NMNAT2: variants seen among roughly 807,000 people sequenced by gnomAD.
NMNAT2 encodes nicotinamide nucleotide adenylyltransferase 2.
A neutral mutation model predicts 41.6 loss-of-function variants in NMNAT2; 11 were observed. The ratio of observed to expected loss-of-function variants is 0.26; its 90% confidence interval spans 0.17 to 0.44. The LOEUF (loss-of-function observed/expected upper bound fraction) is 0.44. Among genes scored for constraint, NMNAT2 ranks in the 20% least tolerant of loss-of-function variants. The pLI is 1.00. For synonymous variants in NMNAT2, 148 were observed against 151.2 expected (o/e 0.98, Z 0.16); for missense variants, 288 against 407.7 (o/e 0.71, Z 2.53).
intron 1 of NMNAT2, among the ~76,000 whole-genome samples, chr1:183,315,778 T>TG (rs1553214097): frequency 4.8e-5 from 6 of 125,904 alleles, no homozygotes; most frequent in African/African-American, 1.8e-4. Context: ...AGACTCCGTG[T>TG]AAAAAAAAAA....
intron 1 of NMNAT2, among the ~76,000 whole-genome samples, chr1:183,300,732 T>C (rs1661828068): frequency 6.6e-6 from 1 of 152,220 alleles, no homozygotes; most frequent in Admixed American, 6.5e-5. Context: ...AACACTGCAA[T>C]TTTAAGGTGG....
At chr1:183,281,478 C>T (rs183317341) in intron 7 of NMNAT2, among the ~76,000 whole-genome samples, 234 of 152,338 alleles carry the variant, frequency 1.5e-3, no homozygotes, top group African/African-American at 4.9e-3. Flanking sequence ...CTTTCCTATT[C>T]CCAAGCCAGG....
chr1:183,379,654 A>T (rs1663760665), intron 1 of NMNAT2, among the ~76,000 whole-genome samples: 1 of 152,248 alleles, frequency 6.6e-6, no homozygotes, highest in Non-Finnish European at 1.5e-5. Context: ...ATAAAAACAA[A>T]GTATTCAAGT....
At chr1:183,373,929 A>G (rs1398670328) in intron 1 of NMNAT2, among the ~76,000 whole-genome samples, 1 of 152,182 alleles carries the variant, frequency 6.6e-6, no homozygotes, top group Non-Finnish European at 1.5e-5. Flanking sequence ...GTTGAACTTT[A>G]TTCTTTATTA....
intron 1 of NMNAT2, among the ~76,000 whole-genome samples, chr1:183,314,693 T>A (rs888802970): frequency 1.3e-5 from 2 of 152,240 alleles, no homozygotes; most frequent in African/African-American, 4.8e-5. Context: ...CTACAGTGTA[T>A]GCATATGTAA....
chr1:183,298,859 A>C (rs987183668), intron 1 of NMNAT2, among the ~76,000 whole-genome samples: 6 of 152,242 alleles, frequency 3.9e-5, no homozygotes. Context: ...ATGATATGAA[A>C]TTTAATGTAT....
intron 3 of NMNAT2, among the ~76,000 whole-genome samples, chr1:183,291,982 G>T (rs186616749): frequency 6.6e-6 from 1 of 152,050 alleles, no homozygotes; most frequent in South Asian, 2.1e-4. Flanking sequence ...CGCCCACCCC[G>T]CTCTTCCTGG....
intron 8 of NMNAT2, among the ~76,000 whole-genome samples, chr1:183,262,508 T>C (rs1168678770): frequency 6.6e-6 from 1 of 152,238 alleles, no homozygotes; most frequent in Non-Finnish European, 1.5e-5. Context: ...TAAAAATTAT[T>C]TGAAAACATA....
At chr1:183,294,004 A>T (rs1312906200) in intron 1 of NMNAT2, among the ~76,000 whole-genome samples, 3 of 152,144 alleles carry the variant, frequency 2.0e-5, no homozygotes, top group African/African-American at 7.2e-5. Flanking sequence ...AGGATTTAGA[A>T]CTCAAGGAGA....
chr1:183,300,525 G>A (rs61811580), intron 1 of NMNAT2, among the ~76,000 whole-genome samples: 14,497 of 151,926 alleles, frequency 0.095, 819 homozygotes, highest in Middle Eastern at 0.14. Flanking sequence ...AGAACTGTGA[G>A]CAATAAATTT....
intron 1 of NMNAT2, among the ~76,000 whole-genome samples, chr1:183,339,003 T>A (rs2102343670): frequency 6.6e-6 from 1 of 152,242 alleles, no homozygotes; most frequent in African/African-American, 2.4e-5. Context: ...TTTCACAGGG[T>A]CCTGCCAGGC....
At chr1:183,307,013 G>A (rs1013275647) in intron 1 of NMNAT2, among the ~76,000 whole-genome samples, 4 of 152,148 alleles carry the variant, frequency 2.6e-5, no homozygotes, top group South Asian at 2.1e-4. Flanking sequence ...CACTCCTTGG[G>A]GAGGAAAGTA....
At chr1:183,281,406 T>C (rs573085549) in intron 7 of NMNAT2, among the ~76,000 whole-genome samples, 2 of 152,322 alleles carry the variant, frequency 1.3e-5, no homozygotes, top group African/African-American at 4.8e-5. Context: ...AACACATCTG[T>C]TCCCAAATGT....
chr1:183,312,498 A>C (rs915907143), intron 1 of NMNAT2, among the ~76,000 whole-genome samples: 1 of 151,326 alleles, frequency 6.6e-6, no homozygotes, highest in East Asian at 1.9e-4. Flanking sequence ...CATTTGCTTT[A>C]TTTGTTTTGC....
chr1:183,249,477 A>G lies in NMNAT2; in HGVS notation c.*3164T>C, dbSNP rs1660315472. ...ATGCCTTTCTCACAACCTCTGAGCC[A>G]TGCCAGTCTTGGATTGGGCTTTGCA... On this transcript the variant is annotated 3_prime_UTR_variant, in exon 11 of 11. Transcript: ENST00000287713. 1 of 152,200 alleles carries G rather than the reference A, an allele frequency of 6.6e-6. No homozygotes were observed. Among genetic ancestry groups the G allele is most frequent in the Admixed American group, 6.5e-5 (1 of 15,280 alleles). 9.4% of individuals were successfully genotyped at this position (152,200 alleles called of 1,614,324 possible). A position where few individuals can be genotyped will look rare whatever the true frequency, so the allele number is the denominator to read the frequency against.
At chr1:183,311,675 CAG>C (rs1662121338) in intron 1 of NMNAT2, among the ~76,000 whole-genome samples, 1 of 151,304 alleles carries the variant, frequency 6.6e-6, no homozygotes, top group Non-Finnish European at 1.5e-5. Context: ...CTTCTCAGAA[CAG>C]AGTTAAGAAA....
intron 1 of NMNAT2, among the ~76,000 whole-genome samples, chr1:183,303,246 C>G (rs1166142423): frequency 6.6e-6 from 1 of 152,176 alleles, no homozygotes; most frequent in Admixed American, 6.5e-5. Context: ...AAGAGGCTAG[C>G]TGAGAAGAAG....
intron 1 of NMNAT2, among the ~76,000 whole-genome samples, chr1:183,385,392 A>C (rs1648195983): frequency 6.6e-6 from 1 of 152,202 alleles, no homozygotes; most frequent in South Asian, 2.1e-4. Flanking sequence ...GCTATCTAAC[A>C]ATCTAAAAAT....
chr1:183,258,119 A>G (rs1266390851), intron 10 of NMNAT2, among the ~76,000 whole-genome samples: 1 of 152,156 alleles, frequency 6.6e-6, no homozygotes, highest in East Asian at 1.9e-4. Flanking sequence ...GAGCCCATGG[A>G]GGAGAGGCAC....
Sources: allele counts gnomAD v4.1 joint callset (sites outside exome capture counted in the v4.1 genomes callset), GRCh38; gene constraint gnomAD v4.1.1; transcripts MANE v1.5; gene names NCBI Gene and HGNC (gene_info 2026-07-23, HGNC 2026-07-21).